MTSS1: variants seen among roughly 807,000 people sequenced by gnomAD.
The protein encoded by MTSS1 is MTSS I-BAR domain containing 1, also known as protein MTSS 1.
A neutral mutation model predicts 79.0 loss-of-function variants in MTSS1; 18 were observed. The ratio of observed to expected loss-of-function variants is 0.23; its 90% confidence interval spans 0.16 to 0.34. The LOEUF (loss-of-function observed/expected upper bound fraction) is 0.34, where lower values mean the gene tolerates loss of function less well. Among genes scored for constraint, MTSS1 ranks in the 10% least tolerant of loss-of-function variants. The pLI, the probability that MTSS1 is intolerant of heterozygous loss-of-function variation, is 1.00. For missense variants in MTSS1, 815 were observed against 986.2 expected (o/e 0.83, Z 2.33); for synonymous variants, 341 against 368.6 (o/e 0.93, Z 0.86).
At chr8:124,643,785 T>C (rs1464973463) in intron 3 of MTSS1, among the ~76,000 whole-genome samples, 1 of 151,728 alleles carries the variant, frequency 6.6e-6, no homozygotes, top group Non-Finnish European at 1.5e-5. Flanking sequence ...AAATAGTATG[T>C]ACCCATTGTG....
chr8:124,615,470 A>G (rs1836668213), intron 3 of MTSS1, among the ~76,000 whole-genome samples: 1 of 152,186 alleles, frequency 6.6e-6, no homozygotes, highest in South Asian at 2.1e-4. Flanking sequence ...AGCCCGCCAC[A>G]AAAGGACAGA....
chr8:124,586,999 T>C (rs1035500546), intron 5 of MTSS1, among the ~76,000 whole-genome samples: 10 of 152,160 alleles, frequency 6.6e-5, no homozygotes, highest in Non-Finnish European at 1.0e-4. Flanking sequence ...CACATCCTAT[T>C]TGAAGTCTCA....
At chr8:124,579,829 A>C (rs1209189461) in intron 6 of MTSS1, 1 of 152,278 alleles carries the variant, frequency 6.6e-6, no homozygotes, top group East Asian at 1.9e-4. Flanking sequence ...AGGCAAGATA[A>C]ACCACACAGA....
At chr8:124,715,714 T>G (rs1041290171) in intron 1 of MTSS1, among the ~76,000 whole-genome samples, 1 of 152,150 alleles carries the variant, frequency 6.6e-6, no homozygotes, top group South Asian at 2.1e-4. Flanking sequence ...TTCCATTGAA[T>G]GTCATTTTTC....
intron 3 of MTSS1, among the ~76,000 whole-genome samples, chr8:124,602,196 T>TATATATATACACACACACAC (rs1348845282): frequency 2.1e-5 from 3 of 142,910 alleles, no homozygotes; most frequent in Admixed American, 1.4e-4. Context: ...TACATATATA[T>TATATATATACACACACACAC]ATATATATAT....
chr8:124,711,782 G>A (rs945821173), intron 1 of MTSS1, among the ~76,000 whole-genome samples: 1 of 152,132 alleles, frequency 6.6e-6, no homozygotes, highest in African/African-American at 2.4e-5. Context: ...TGAGGCAGAT[G>A]GATCACCTGA....
intron 3 of MTSS1, among the ~76,000 whole-genome samples, chr8:124,637,778 C>T (rs891022280): frequency 6.6e-6 from 1 of 152,236 alleles, no homozygotes; most frequent in South Asian, 2.1e-4. Context: ...ACAAGCTAAA[C>T]AGCTGTTTTT....
In MTSS1 at chr8:124,728,143, A is replaced by G. The variant is rs1752744587; in HGVS notation, c.-188T>C. The G allele has an allele frequency of 7.7e-6, 4 of 519,722 alleles. No individual in the cohort carries two copies. The highest frequency in any genetic ancestry group is 2.0e-5 in the African/African-American group (1 of 49,286). The allele number at this position is 519,722 out of a possible 1,614,324, so 32.2% of individuals were successfully genotyped here. A position where few individuals can be genotyped will look rare whatever the true frequency, so the allele number is the denominator to read the frequency against. On this transcript the variant is annotated 5_prime_UTR_variant, in exon 1 of 14. Transcript: ENST00000518547. The surrounding 1 kb of genome is among the most constrained non-coding windows in gnomAD (Gnocchi z 6.1). ...CTGCCCAAAATAATAACAGTAATTT[A>G]AAAAGCCAAACCGCTCTGTAGGGTA...
At chr8:124,649,853 T>A (rs1307739481) in intron 3 of MTSS1, among the ~76,000 whole-genome samples, 1 of 152,006 alleles carries the variant, frequency 6.6e-6, no homozygotes, top group Non-Finnish European at 1.5e-5. Flanking sequence ...CAGGTTGGAA[T>A]CTTTCAATTA....
At chr8:124,642,833 C>T (rs1818300735) in intron 3 of MTSS1, among the ~76,000 whole-genome samples, 1 of 152,096 alleles carries the variant, frequency 6.6e-6, no homozygotes, top group Non-Finnish European at 1.5e-5. Context: ...CCTCAGGTGA[C>T]GTGCCTGCCT....
chr8:124,561,634 C>G (rs1368792571), intron 10 of MTSS1, among the ~76,000 whole-genome samples: 1 of 152,058 alleles, frequency 6.6e-6, no homozygotes, highest in East Asian at 1.9e-4. Flanking sequence ...TCAGTGCACA[C>G]TACTATGTTA....
intron 6 of MTSS1, among the ~76,000 whole-genome samples, chr8:124,575,717 G>A (rs1329255521): frequency 6.6e-6 from 1 of 152,058 alleles, no homozygotes; most frequent in East Asian, 1.9e-4. Context: ...CTGGTCCCTG[G>A]GCAATCAGTT....
chr8:124,577,851 A>C (rs1829271823), intron 6 of MTSS1, among the ~76,000 whole-genome samples: 1 of 152,064 alleles, frequency 6.6e-6, no homozygotes, highest in Non-Finnish European at 1.5e-5. Flanking sequence ...GTTGCAGGGA[A>C]TCTACACAGA....
intron 3 of MTSS1, chr8:124,673,485 C>T (rs894911337): frequency 5.9e-5 from 9 of 152,136 alleles, no homozygotes; most frequent in Non-Finnish European, 1.2e-4. Flanking sequence ...CCAAGGGAAC[C>T]GAACCCACAG....
At chr8:124,661,013 G>A (rs1034596139) in intron 3 of MTSS1, among the ~76,000 whole-genome samples, 5 of 152,192 alleles carry the variant, frequency 3.3e-5, no homozygotes, top group Non-Finnish European at 5.9e-5. Flanking sequence ...TGAGGCCATC[G>A]TCAATCAACA....
At chr8:124,670,095 A>G (rs558086460) in intron 3 of MTSS1, among the ~76,000 whole-genome samples, 1 of 152,322 alleles carries the variant, frequency 6.6e-6, no homozygotes, top group South Asian at 2.1e-4. Flanking sequence ...GAAAACAAAT[A>G]AGAATTTCAT....
intron 5 of MTSS1, 147 bp from the exon 6 acceptor site, chr8:124,585,308 A>G (rs1830669890): frequency 3.1e-6 from 2 of 650,648 alleles, no homozygotes; most frequent in Non-Finnish European, 2.7e-6. Flanking sequence ...TGATAATCTC[A>G]TGATGACATT....
chr8:124,634,628 C>T (rs1478046676), intron 3 of MTSS1, among the ~76,000 whole-genome samples: 1 of 152,088 alleles, frequency 6.6e-6, no homozygotes, highest in Non-Finnish European at 1.5e-5. Context: ...ATACTCATCT[C>T]ATTTTTGTGA....
chr8:124,604,776 C>G (rs1834509241), intron 3 of MTSS1, among the ~76,000 whole-genome samples: 1 of 152,158 alleles, frequency 6.6e-6, no homozygotes, highest in Non-Finnish European at 1.5e-5. Flanking sequence ...ACACTGCAAA[C>G]TGTTATCAGA....
Sources: allele counts gnomAD v4.1 joint callset (sites outside exome capture counted in the v4.1 genomes callset), GRCh38; gene constraint gnomAD v4.1.1; non-coding constraint Gnocchi (gnomAD v3.1); transcripts MANE v1.5; gene names NCBI Gene and HGNC (gene_info 2026-07-23, HGNC 2026-07-21).